CC2D2B: variants seen among roughly 807,000 people sequenced by gnomAD.
CC2D2B encodes coiled-coil and C2 domain containing 2B.
In CC2D2B, 128 loss-of-function variants were observed where a neutral mutation model predicts 161.2. The ratio of observed to expected loss-of-function variants is 0.79; its 90% CI spans 0.69 to 0.92. CC2D2B has a LOEUF of 0.92. Ranked by LOEUF, CC2D2B falls within the 40% of genes least tolerant of loss-of-function variation. The pLI is 0.00. For missense variants in CC2D2B, 1,173 were observed against 1,375.1 expected, an observed-to-expected ratio of 0.85 and a Z score of 2.32; for synonymous variants, 391 against 449.8, an observed-to-expected ratio of 0.87 and a Z score of 1.65.
At chr10:96,026,111 C>T (rs184909528) in intron 33 of CC2D2B, among the ~76,000 whole-genome samples, 121 of 152,218 alleles carry the variant, frequency 7.9e-4, no homozygotes, top group South Asian at 5.4e-3. Flanking sequence ...GATGCATAGC[C>T]GCTATTGAGA....
intron 28 of CC2D2B, among the ~76,000 whole-genome samples, chr10:96,013,274 T>C (rs1258451560): frequency 1.3e-5 from 2 of 152,106 alleles, no homozygotes; most frequent in Non-Finnish European, 2.9e-5. Flanking sequence ...GTATAACTTC[T>C]ATTGTTTGAC....
chr10:96,011,055 G>A (rs6584045), intron 26 of CC2D2B, among the ~76,000 whole-genome samples: 93,421 of 152,026 alleles, frequency 0.61, 28,915 homozygotes, highest in East Asian at 0.83. Context: ...TCGTATACCA[G>A]TTAAAGTGTT....
At chr10:95,954,898 A>T (rs183402132) in intron 10 of CC2D2B, among the ~76,000 whole-genome samples, 1,754 of 151,652 alleles carry the variant, frequency 0.012, 19 homozygotes, top group Middle Eastern at 0.041. Flanking sequence ...TATGGATGTT[A>T]CTCTGTTTTA....
intron 17 of CC2D2B, among the ~76,000 whole-genome samples, chr10:95,975,637 A>G (rs925670234): frequency 6.6e-6 from 1 of 152,238 alleles, no homozygotes; most frequent in African/African-American, 2.4e-5. Context: ...GAAGGTATCA[A>G]ACCAGAACCC....
intron 25 of CC2D2B, among the ~76,000 whole-genome samples, chr10:96,005,993 A>G (rs1344294263): frequency 6.6e-6 from 1 of 152,138 alleles, no homozygotes; most frequent in Non-Finnish European, 1.5e-5. Flanking sequence ...TTCTAACTTT[A>G]TCCAACCATG....
At chr10:96,016,093 G>A (rs2079186533) in intron 29 of CC2D2B, 108 bp from the exon 30 acceptor site, 2 of 698,970 alleles carry the variant, frequency 2.9e-6, no homozygotes, top group Admixed American at 5.3e-5. Flanking sequence ...AAATAAATGT[G>A]TTTGGAACTG....
intron 6 of CC2D2B, among the ~76,000 whole-genome samples, chr10:95,928,187 C>T (rs902453648): frequency 2.0e-5 from 3 of 151,926 alleles, no homozygotes; most frequent in African/African-American, 7.3e-5. Context: ...GCATTCTGCT[C>T]CAGTCCTTTC....
At chr10:95,938,763 A>C in intron 8 of CC2D2B, 34 bp from the exon 9 acceptor site, 1 of 703,432 alleles carries the variant, frequency 1.4e-6, no homozygotes, top group South Asian at 1.6e-5. Flanking sequence ...ATTTAGCAAA[A>C]TATTTAATTA....
At chr10:96,014,341 A>G (rs2079106036) in intron 29 of CC2D2B, among the ~76,000 whole-genome samples, 1 of 152,224 alleles carries the variant, frequency 6.6e-6, no homozygotes, top group Non-Finnish European at 1.5e-5. Context: ...TATTCAGGAC[A>G]AACTTTTAGT....
intron 19 of CC2D2B, among the ~76,000 whole-genome samples, chr10:95,986,411 G>A (rs1404706687): frequency 2.7e-5 from 1 of 36,968 alleles, no homozygotes; most frequent in African/African-American, 1.0e-4. Flanking sequence ...GCATTAACTG[G>A]TTCTGGAATT....
intron 32 of CC2D2B, 118 bp downstream of exon 32, chr10:96,019,942 TATTA>T (rs2079381330): frequency 5.2e-6 from 5 of 966,746 alleles, no homozygotes; most frequent in Non-Finnish European, 7.4e-6. Context: ...TATTTGGCAA[TATTA>T]ATTTAAAAAC....
At chr10:95,946,554 A>G (rs1407774937) in intron 9 of CC2D2B, among the ~76,000 whole-genome samples, 3 of 152,158 alleles carry the variant, frequency 2.0e-5, no homozygotes, top group Admixed American at 6.5e-5. Context: ...TTAATGGCCA[A>G]TTTACCAACT....
chr10:95,993,371 A>G (rs979782261), intron 22 of CC2D2B, among the ~76,000 whole-genome samples: 5 of 152,080 alleles, frequency 3.3e-5, no homozygotes, highest in Non-Finnish European at 7.4e-5. Context: ...ATATATTACT[A>G]ATATTTATAC....
intron 26 of CC2D2B, among the ~76,000 whole-genome samples, chr10:96,011,232 A>C (rs920428526): frequency 6.6e-6 from 1 of 152,190 alleles, no homozygotes; most frequent in Non-Finnish European, 1.5e-5. Flanking sequence ...ATAGGAATAC[A>C]CATTGTTGGA....
At chr10:95,997,744 CT>C (rs1206244727) in intron 24 of CC2D2B, among the ~76,000 whole-genome samples, 1 of 152,176 alleles carries the variant, frequency 6.6e-6, no homozygotes, top group Admixed American at 6.5e-5. Context: ...TTCAGTAGGT[CT>C]GGGGTAGGGT....
intron 23 of CC2D2B, among the ~76,000 whole-genome samples, 164 bp from the exon 24 acceptor site, chr10:95,995,979 A>G (rs1296242623): frequency 1.3e-5 from 2 of 152,250 alleles, no homozygotes; most frequent in African/African-American, 4.8e-5. Context: ...TACCTGATAT[A>G]GAATAGACCC....
chr10:95,927,853 CTG>C (rs895056905), intron 6 of CC2D2B, among the ~76,000 whole-genome samples: 2 of 152,094 alleles, frequency 1.3e-5, no homozygotes, highest in African/African-American at 4.8e-5. Context: ...CCCCCTCAAA[CTG>C]TGTAGTCTCC....
intron 6 of CC2D2B, among the ~76,000 whole-genome samples, chr10:95,932,606 C>T (rs890440734): frequency 6.6e-6 from 1 of 152,124 alleles, no homozygotes; most frequent in Admixed American, 6.5e-5. Context: ...ATTTGCTTGT[C>T]TGTAAAGGAT....
At chr10:95,929,277 T>C (rs888657728) in intron 6 of CC2D2B, among the ~76,000 whole-genome samples, 1 of 152,218 alleles carries the variant, frequency 6.6e-6, no homozygotes, top group African/African-American at 2.4e-5. Context: ...TTTAAGTTAT[T>C]TGTAGATTCT....
Sources: gnomAD v4.1 joint callset for allele counts (sites outside exome capture counted in the v4.1 genomes callset) on GRCh38, gnomAD v4.1.1 for gene constraint, MANE v1.5 for transcripts, NCBI Gene and HGNC (gene_info 2026-07-23, HGNC 2026-07-21) for gene names.